The following CNTN5 variants were observed in gnomAD, a reference collection of about 807,000 sequenced individuals.
The protein encoded by CNTN5 is contactin 5.
CNTN5 carries 77 observed loss-of-function variants against 129.1 expected under a neutral mutation model. That is an observed-to-expected ratio of 0.60 (90% CI 0.50 to 0.72). The LOEUF is 0.72. CNTN5 is among the 30% of genes least tolerant of loss of function. CNTN5 has a pLI of 0.00. For synonymous variants in CNTN5, 509 were observed against 465.6 expected (o/e 1.09, Z -1.20); for missense variants, 1,478 against 1,328.8 (o/e 1.11, Z -1.75).
At chr11:99,476,905 T>C (rs1181350594) in intron 2 of CNTN5, among the ~76,000 whole-genome samples, 1 of 152,102 alleles carries the variant, frequency 6.6e-6, no homozygotes, top group Non-Finnish European at 1.5e-5. Flanking sequence ...TTTTGTTATC[T>C]CTTCCCGTTT....
intron 3 of CNTN5, among the ~76,000 whole-genome samples, chr11:99,717,401 A>G (rs1174087382): frequency 1.3e-5 from 2 of 152,090 alleles, no homozygotes; most frequent in African/African-American, 4.8e-5. Context: ...AGAAAAGCGT[A>G]GGGAAGTTAT....
intron 9 of CNTN5, among the ~76,000 whole-genome samples, chr11:100,051,860 AAAAT>A (rs1942969381): frequency 6.6e-6 from 1 of 151,912 alleles, no homozygotes. Context: ...AAAGCTCCTT[AAAAT>A]AAATAATTCT....
intron 3 of CNTN5, among the ~76,000 whole-genome samples, chr11:99,741,480 A>G: frequency 6.6e-6 from 1 of 152,132 alleles, no homozygotes; most frequent in Non-Finnish European, 1.5e-5. Context: ...CTGTGGTACC[A>G]GAATTTATTT....
At chr11:99,519,203 C>CT (rs1011583666) in intron 2 of CNTN5, among the ~76,000 whole-genome samples, 5 of 151,960 alleles carry the variant, frequency 3.3e-5, no homozygotes, top group East Asian at 1.9e-4. Context: ...CCTTTTATTG[C>CT]TTTTTTACTT....
chr11:100,342,326 A>G (rs1952183675), intron 23 of CNTN5, among the ~76,000 whole-genome samples: 1 of 152,094 alleles, frequency 6.6e-6, no homozygotes, highest in African/African-American at 2.4e-5. Context: ...TCTTAGGGAA[A>G]TATACTGTTT....
intron 13 of CNTN5, among the ~76,000 whole-genome samples, chr11:100,120,312 A>AAATT (rs1455901043): frequency 6.6e-6 from 1 of 151,976 alleles, no homozygotes; most frequent in African/African-American, 2.4e-5. Flanking sequence ...CACCACCATT[A>AAATT]AATTAGTAAG....
At chr11:99,172,437 T>C (rs373952236) in intron 1 of CNTN5, among the ~76,000 whole-genome samples, 18 of 152,336 alleles carry the variant, frequency 1.2e-4, no homozygotes, top group Middle Eastern at 3.4e-3. Flanking sequence ...ATTGCACCTT[T>C]TGATGAGAAA....
Position 99,650,989 on chromosome 11 carries a change from A to G in CNTN5, c.55+94720A>G, listed in dbSNP as rs540277596. Among the ~76,000 whole-genome samples the G allele has an allele frequency of 5.9e-5, 9 of 152,116 alleles. No individual in the cohort carries two copies. The South Asian group carries it at 1.9e-3, about 31-fold the overall frequency. The stretch of plus-strand genomic sequence containing the variant: ...AGTTTCTACCTTCAGAAAAGATGTT[A>G]AATGAGAAGAATAAGAGAAATTGTC... On this transcript the variant is annotated intron_variant, in intron 3 of 24. Coordinates refer to ENST00000524871, the MANE Select transcript of CNTN5 (RefSeq NM_014361.4).
At chr11:99,252,158 C>T in intron 1 of CNTN5, among the ~76,000 whole-genome samples, 1 of 151,994 alleles carries the variant, frequency 6.6e-6, no homozygotes, top group Non-Finnish European at 1.5e-5. Flanking sequence ...CCACTGATAA[C>T]TTCATATTGC....
At chr11:99,487,922 G>T (rs559787676) in intron 2 of CNTN5, among the ~76,000 whole-genome samples, 5 of 152,246 alleles carry the variant, frequency 3.3e-5, no homozygotes, top group Admixed American at 3.3e-4. Flanking sequence ...TTATGAAAGA[G>T]TGGGAGAAGA....
rs979683312 is a variant in CNTN5, at chr11:99,315,710, T to C, written c.-209-9636T>C. On this transcript the variant is annotated intron_variant, in intron 1 of 24. Transcript: ENST00000524871. ...CATATAGAAAGTCTATATGGGTATA[T>C]TGAATAGACAAAGTTTTAGAATGTA... is the stretch of plus-strand genomic sequence containing the variant. Among the ~76,000 whole-genome samples the C allele has an allele frequency of 3.3e-5, 5 of 149,510 alleles. No homozygotes were observed. The East Asian group carries it at 7.8e-4, about 23-fold the overall frequency.
chr11:99,882,443 A>C (rs1948794790), intron 6 of CNTN5, among the ~76,000 whole-genome samples: 1 of 152,166 alleles, frequency 6.6e-6, no homozygotes, highest in Non-Finnish European at 1.5e-5. Context: ...TTAAAAGTAG[A>C]CGCTGAAGTC....
At position 99,467,557 on chromosome 11, in the gene CNTN5, A is replaced by T. The variant is rs1329274135; in HGVS notation, c.-70-88588A>T. 2.0e-5 allele frequency among the ~76,000 whole-genome samples: 3 copies of T among 151,916 alleles called. No homozygotes were observed. The South Asian group carries it at 6.2e-4, about 32-fold the overall frequency. ...GTTAACTCATCCTTCAATTTTATTG[A>T]TCTCTTTGTTCTTGCCCCAATATTA... On this transcript the variant is annotated intron_variant, in intron 2 of 24. Transcript: ENST00000524871.
At chr11:100,135,915 CT>C (rs1352011433) in intron 13 of CNTN5, among the ~76,000 whole-genome samples, 1 of 152,028 alleles carries the variant, frequency 6.6e-6, no homozygotes. Context: ...TATATCTCTG[CT>C]GTTCTTTGAG....
chr11:99,404,414 G>A (rs955878239), intron 2 of CNTN5, among the ~76,000 whole-genome samples: 1 of 151,512 alleles, frequency 6.6e-6, no homozygotes, highest in Non-Finnish European at 1.5e-5. Flanking sequence ...TTGTTTTGTG[G>A]TCTTCTCTTT....
At chr11:100,231,179 G>A (rs2138648594) in intron 16 of CNTN5, among the ~76,000 whole-genome samples, 1 of 152,278 alleles carries the variant, frequency 6.6e-6, no homozygotes, top group Admixed American at 6.5e-5. Flanking sequence ...TACAAGTGAT[G>A]CATATCCATC....
chr11:100,039,825 C>A (rs1331710905), intron 9 of CNTN5, among the ~76,000 whole-genome samples: 1 of 152,176 alleles, frequency 6.6e-6, no homozygotes, highest in Admixed American at 6.5e-5. Context: ...TCCATCAGGT[C>A]CTTTAAGGAC....
At chr11:99,350,471 A>AT (rs1366353321) in intron 2 of CNTN5, among the ~76,000 whole-genome samples, 4 of 152,194 alleles carry the variant, frequency 2.6e-5, no homozygotes, top group African/African-American at 9.7e-5. Flanking sequence ...TTACCCAAGA[A>AT]TTATAAAACA....
chr11:99,517,140 CCAGT>C (rs753204938), intron 2 of CNTN5, among the ~76,000 whole-genome samples: 5 of 152,166 alleles, frequency 3.3e-5, no homozygotes, highest in Admixed American at 6.6e-5. Context: ...CTTTTAAAGA[CCAGT>C]CAAATACAGG....
Sources: allele counts gnomAD v4.1 joint callset (sites outside exome capture counted in the v4.1 genomes callset), GRCh38; gene constraint gnomAD v4.1.1; transcripts MANE v1.5; gene names NCBI Gene and HGNC (gene_info 2026-07-23, HGNC 2026-07-21).